Variants in KALRN observed in about 807,000 individuals in gnomAD.
KALRN encodes the protein kalirin RhoGEF kinase, also known as kalirin.
In KALRN, 70 loss-of-function variants were observed where a neutral mutation model predicts 353.7. The ratio of observed to expected loss-of-function variants is 0.20; its 90% CI spans 0.16 to 0.24. The LOEUF is 0.24. KALRN is among the 10% of genes least tolerant of loss of function. The pLI, the probability that KALRN is intolerant of heterozygous loss-of-function variation, is 1.00. For synonymous variants in KALRN, 1,391 were observed against 1,434.8 expected (o/e 0.97, Z 0.69); for missense variants, 2,791 against 3,756.7 (o/e 0.74, Z 6.72).
chr3:124,074,498 AC>A (rs1359824282), intron 1 of KALRN, among the ~76,000 whole-genome samples: 1 of 152,224 alleles, frequency 6.6e-6, no homozygotes, highest in Non-Finnish European at 1.5e-5. Flanking sequence ...TTTGGAGCCC[AC>A]AATCACAAGG....
intron 18 of KALRN, among the ~76,000 whole-genome samples, 164 bp from the exon 19 acceptor site, chr3:124,441,781 A>G (rs1560954070): frequency 6.6e-6 from 1 of 151,868 alleles, no homozygotes; most frequent in African/African-American, 2.4e-5. Flanking sequence ...AGCTATGATC[A>G]TGCCACTGCA....
intron 38 of KALRN, among the ~76,000 whole-genome samples, chr3:124,655,390 G>T (rs1179851205): frequency 6.6e-6 from 1 of 152,196 alleles, no homozygotes; most frequent in Non-Finnish European, 1.5e-5. Context: ...TATGTCACCT[G>T]GGGAAGTCCT....
intron 1 of KALRN, among the ~76,000 whole-genome samples, chr3:124,170,940 A>G (rs2071716419): frequency 7.2e-6 from 1 of 138,406 alleles, no homozygotes; most frequent in Non-Finnish European, 1.5e-5. Context: ...CAGCCTCCCA[A>G]GTAGCTGGGA....
At chr3:124,148,730 A>C (rs900386355) in intron 1 of KALRN, among the ~76,000 whole-genome samples, 1 of 152,194 alleles carries the variant, frequency 6.6e-6, no homozygotes, top group Non-Finnish European at 1.5e-5. Context: ...AAAAGGAAAA[A>C]AAAAATAGGT....
chr3:124,541,699 G>A (rs1415301301), intron 33 of KALRN, among the ~76,000 whole-genome samples: 4 of 150,328 alleles, frequency 2.7e-5, no homozygotes, highest in African/African-American at 4.9e-5. Context: ...CCTGGCCAAC[G>A]TGGTGAAACC....
At chr3:124,058,814 T>A (rs185834571) in intron 1 of KALRN, among the ~76,000 whole-genome samples, 1 of 152,192 alleles carries the variant, frequency 6.6e-6, no homozygotes, top group African/African-American at 2.4e-5. Flanking sequence ...AGGCTGAAGA[T>A]GAAAGAGTCT....
chr3:124,088,349 G>T (rs2060932876), intron 1 of KALRN, among the ~76,000 whole-genome samples: 1 of 152,190 alleles, frequency 6.6e-6, no homozygotes, highest in South Asian at 2.1e-4. Flanking sequence ...ATGAGTTGGG[G>T]CAGCTGGACA....
intron 16 of KALRN, among the ~76,000 whole-genome samples, chr3:124,433,581 G>C: frequency 8.5e-6 from 1 of 118,234 alleles, no homozygotes. Flanking sequence ...CTCGGTGATA[G>C]ATCAAGACCC....
chr3:124,661,701 T>A (rs897178336), intron 44 of KALRN, 150 bp from the exon 45 acceptor site: 2 of 681,356 alleles, frequency 2.9e-6, no homozygotes, highest in African/African-American at 3.6e-5. Flanking sequence ...AGCCCCACAC[T>A]CTCTGAGAGT....
chr3:124,645,409 G>T (rs1023475144), intron 37 of KALRN, among the ~76,000 whole-genome samples: 6 of 152,290 alleles, frequency 3.9e-5, no homozygotes, highest in Admixed American at 6.5e-5. Context: ...CCATGCCTAT[G>T]TCCTGAATGG....
intron 38 of KALRN, among the ~76,000 whole-genome samples, chr3:124,652,122 C>T (rs2083483248): frequency 6.6e-6 from 1 of 152,166 alleles, no homozygotes; most frequent in South Asian, 2.1e-4. Flanking sequence ...CTCCTTTAGC[C>T]TAGCCACAGA....
Position 124,719,079 on chromosome 3 carries a change from T to C in KALRN, c.8570T>C (p.Val2857Ala). 1 of 1,614,192 alleles carries C rather than the reference T, an allele frequency of 6.2e-7. No homozygotes were observed. The highest frequency in any genetic ancestry group is 8.5e-7 in the Non-Finnish European group (1 of 1,180,030). ...CCAGAAGTCATTCAAGGCATCCCCG[T>C]CTCCCTGGGGACAGACATCTGGAGC... ...AAPEVIQGIP[V>A]SLGTDIWSIG... Residue 2857 changes from valine (V) to alanine (A), a missense_variant, in exon 60 of 60, where the codon GTC (valine) becomes GCC (alanine). By Grantham distance (64) the Val-to-Ala change is moderately conservative. Coordinates refer to ENST00000682506, the MANE Select transcript of KALRN (RefSeq NM_001388419.1). This position sits in a 1 kb window ranked among gnomAD's most constrained non-coding sequence, Gnocchi z 5.3.
intron 1 of KALRN, among the ~76,000 whole-genome samples, chr3:124,091,085 C>T (rs929138894): frequency 4.6e-5 from 7 of 152,192 alleles, no homozygotes; most frequent in Admixed American, 1.3e-4. Flanking sequence ...TGTGTTGCCA[C>T]GGGTTCCACT....
chr3:124,504,369 A>T (rs910316857), intron 33 of KALRN, among the ~76,000 whole-genome samples: 2 of 152,306 alleles, frequency 1.3e-5, no homozygotes, highest in Admixed American at 6.5e-5. Context: ...AAACCAGGTC[A>T]ATCTCCTGCC....
rs565249397 is a variant in KALRN at position 124,091,577 on chromosome 3, C to T, written c.73+57764C>T. Reference sequence around the variant, plus strand: ...GTGCCAAGGAAAGAAGAAGGAACATCGAAGAGAAAGGAACACATCCATGTT... The same window carrying T: ...GTGCCAAGGAAAGAAGAAGGAACATTGAAGAGAAAGGAACACATCCATGTT... On this transcript the variant is annotated intron_variant, in intron 1 of 59. Transcript: ENST00000682506. Among the ~76,000 whole-genome samples the T allele has an allele frequency of 6.6e-5, 10 of 152,240 alleles. No homozygotes were observed. The East Asian group carries it at 1.5e-3, about 24-fold the overall frequency.
At chr3:124,273,399 A>T (rs909873968) in intron 5 of KALRN, among the ~76,000 whole-genome samples, 11 of 152,246 alleles carry the variant, frequency 7.2e-5, no homozygotes, top group African/African-American at 2.4e-4. Flanking sequence ...GGAGCAGCTC[A>T]CCATCTAATT....
chr3:124,205,351 G>A (rs1479217397), intron 1 of KALRN, among the ~76,000 whole-genome samples: 1 of 152,110 alleles, frequency 6.6e-6, no homozygotes, highest in African/African-American at 2.4e-5. Flanking sequence ...GTTTTAGGGA[G>A]CACTCCAATC....
At chr3:124,366,087 C>A (rs2084652314) in intron 10 of KALRN, among the ~76,000 whole-genome samples, 1 of 151,986 alleles carries the variant, frequency 6.6e-6, no homozygotes, top group African/African-American at 2.4e-5. Context: ...CATCATGTTT[C>A]TTCTAAGCTA....
In KALRN at chr3:124,696,242, A is replaced by G. The variant is rs2062043395; in HGVS notation, c.7686A>G (p.Thr2562=). Reference sequence around the variant, plus strand: ...ACGGGACCACATCAACGTCTGCAACAGTCAAAGTGCAAGGTACAGCCTCTT... The same window carrying G: ...ACGGGACCACATCAACGTCTGCAACGGTCAAAGTGCAAGGTACAGCCTCTT... ...NDHGTTSTSA[T]VKVQGVPAAP... is the part of the protein sequence containing the mutation. The change falls in exon 54 of 60, where the codon ACA becomes ACG. Residue 2562 remains threonine (T), a synonymous_variant. Coordinates refer to ENST00000682506, the MANE Select transcript of KALRN (RefSeq NM_001388419.1). 5 of 1,614,022 alleles carry G rather than the reference A, an allele frequency of 3.1e-6. No homozygotes were observed. In the East Asian group the frequency reaches 1.1e-4, roughly 36 times the overall value.
Sources: gnomAD v4.1 joint callset for allele counts (sites outside exome capture counted in the v4.1 genomes callset) on GRCh38, gnomAD v4.1.1 for gene constraint, Gnocchi (gnomAD v3.1) non-coding constraint, MANE v1.5 for transcripts, NCBI Gene and HGNC (gene_info 2026-07-23, HGNC 2026-07-21) for gene names.